The following AASS variants were observed in gnomAD, a reference collection of about 807,000 sequenced individuals.
The protein encoded by AASS is alpha-aminoadipic semialdehyde synthase, mitochondrial.
Under a neutral mutation model 105.4 loss-of-function variants are expected in AASS, and 86 were observed. The observed-to-expected ratio is 0.82, with a 90% confidence interval of 0.69 to 0.98. The LOEUF (loss-of-function observed/expected upper bound fraction) is 0.98. Among genes scored for constraint, AASS ranks in the 50% least tolerant of loss-of-function variants. The pLI is 0.00. For missense variants in AASS, 1,048 were observed against 1,143.2 expected (o/e 0.92, Z 1.20); for synonymous variants, 381 against 394.8 (o/e 0.96, Z 0.41).
intron 15 of AASS, among the ~76,000 whole-genome samples, chr7:122,096,061 G>A (rs1794140475): frequency 6.6e-6 from 1 of 151,882 alleles, no homozygotes; most frequent in African/African-American, 2.4e-5. Context: ...GCACTCAATG[G>A]GACATACTCT....
At chr7:122,106,566 C>G (rs528848518) in intron 11 of AASS, among the ~76,000 whole-genome samples, 1 of 152,002 alleles carries the variant, frequency 6.6e-6, no homozygotes, top group Admixed American at 6.6e-5. Context: ...ACACAAAGAC[C>G]AATAAAACAG....
Position 122,075,899 on chromosome 7 carries a change from A to T in AASS, c.*590T>A, listed in dbSNP as rs1392796275. ...ATATAAAAATATAGCTTTATGACGA[A>T]ATTTTTTCTGACTAAAAAAGTAAAA... On this transcript the variant is annotated 3_prime_UTR_variant, in exon 24 of 24. Transcript: ENST00000417368. 6.6e-6 allele frequency: 1 copy of T among 152,312 alleles called. No homozygotes were observed. The highest frequency in any genetic ancestry group is 1.9e-4 in the East Asian group (1 of 5,202). The allele number at this position is 152,312 out of a possible 1,614,324, so 9.4% of individuals were successfully genotyped here. A position where few individuals can be genotyped will look rare whatever the true frequency, so the allele number is the denominator to read the frequency against.
intron 4 of AASS, among the ~76,000 whole-genome samples, chr7:122,121,397 AT>A (rs1301807362): frequency 2.0e-5 from 3 of 152,040 alleles, no homozygotes; most frequent in South Asian, 2.1e-4. Flanking sequence ...CTTTTAAAGA[AT>A]TTTTTTGTTT....
Position 122,081,521 on chromosome 7 carries a change from A to G in AASS, c.2259T>C (p.Pro753=), listed in dbSNP as rs139475283. The G allele has an allele frequency of 1.6e-5, 26 of 1,613,816 alleles. No homozygotes were observed. Among genetic ancestry groups the G allele is most frequent in the Admixed American group, 3.3e-5 (2 of 60,020 alleles). The change falls in exon 20 of 24, where the codon CCT becomes CCC. Residue 753 remains proline, a synonymous_variant. Coordinates refer to ENST00000417368, the MANE Select transcript of AASS (RefSeq NM_005763.4). The part of the protein sequence containing the change: ...INREALPAFR[P]EANPLTWKQL... ...TCACCCAGGTGAGAGGGTTGGCCTC[A>G]GGTCTAAAGGCAGGAAGCGCTTCTC...
chr7:122,114,641 C>T (rs4140745), intron 9 of AASS, among the ~76,000 whole-genome samples: 45,478 of 151,920 alleles, frequency 0.3, 7,110 homozygotes, highest in East Asian at 0.43. Context: ...AACAGAGTAA[C>T]AGACTAGAGA....
Position 122,079,623 on chromosome 7 carries a change from G to T in AASS, c.2370C>A (p.Asp790Glu), listed in dbSNP as rs140637835. Reference sequence around the variant, plus strand: ...ATTCAGCAGCCTCCAACTGGGTATTGTCTCCTCCTAGTTTCTTAAGAACAG... The same window carrying T: ...ATTCAGCAGCCTCCAACTGGGTATTTTCTCCTCCTAGTTTCTTAAGAACAG... Reference protein sequence around the residue: ...KEAVLKKLGGDNTQLEAAEWL... With the variant: ...KEAVLKKLGGENTQLEAAEWL... The change falls in exon 21 of 24, where the codon GAC becomes GAA. Residue 790 changes from aspartate (D) to glutamate (E), a missense_variant. Asp to Glu is a conservative substitution (Grantham distance 45). Transcript: ENST00000417368. 6 of 1,613,840 alleles carry T rather than the reference G, an allele frequency of 3.7e-6. No individual in the cohort carries two copies. The South Asian group carries it at 4.4e-5, about 12-fold the overall frequency.
chr7:122,116,910 G>C lies in AASS; in HGVS notation c.735C>G (p.Pro245=), dbSNP rs1270710695. 2 of 1,613,710 alleles carry C rather than the reference G, an allele frequency of 1.2e-6. No homozygotes were observed. The highest frequency in any genetic ancestry group is 2.7e-5 in the African/African-American group (2 of 74,854). ...FNELPCEYVE[P]HELKEVSQTG... Reference sequence around the variant, plus strand: ...TTTGGGAAACTTCTTTTAATTCATGGGGCTCCACATATTCACAAGGTAGCT... The same window carrying C: ...TTTGGGAAACTTCTTTTAATTCATGCGGCTCCACATATTCACAAGGTAGCT... Residue 245 remains proline, a synonymous_variant, in exon 7 of 24, where the codon CCC becomes CCG. Transcript: ENST00000417368.
intron 13 of AASS, among the ~76,000 whole-genome samples, chr7:122,100,709 A>G (rs1429648877): frequency 6.6e-6 from 1 of 151,882 alleles, no homozygotes. Context: ...GCTGGAGGAG[A>G]CCAGAATATT....
At chr7:122,080,453 C>T (rs754835968) in intron 20 of AASS, among the ~76,000 whole-genome samples, 17 of 152,066 alleles carry the variant, frequency 1.1e-4, no homozygotes, top group Admixed American at 4.6e-4. Flanking sequence ...CAAAAAAGAC[C>T]ATCCCTAAGA....
rs1334262757 is a variant in AASS, at chr7:122,092,918, T to C, written c.1800A>G (p.Glu600=). The change falls in exon 17 of 24, where the codon GAA becomes GAG. Residue 600 remains glutamate, a synonymous_variant. Transcript: ENST00000417368. ...VEDAGITIIG[E]LGLDPGLDHM... is the part of the protein sequence containing the mutation. Reference sequence around the variant, plus strand: ...GATCCAGACCAGGGTCCAATCCCAATTCACCAATGATTGTGATGCCAGCAT... The same window carrying C: ...GATCCAGACCAGGGTCCAATCCCAACTCACCAATGATTGTGATGCCAGCAT... The C allele has an allele frequency of 2.5e-6, 4 of 1,613,784 alleles. No homozygotes were observed. Among genetic ancestry groups the C allele is most frequent in the African/African-American group, 2.7e-5 (2 of 74,888 alleles).
chr7:122,076,552 T>G lies in AASS; in HGVS notation c.2718A>C (p.Pro906=). The change falls in exon 24 of 24, where the codon CCA becomes CCC. Residue 906 remains proline (P), a synonymous_variant. Transcript: ENST00000417368. The part of the protein sequence containing the change: ...MGPFSKEIYG[P]ILERIKAEGI... ...CTTCTGCTTTAATTCGCTCCAATAT[T>G]GGTCCATAGATCTCCTTTGAAAAGG... The G allele has an allele frequency of 6.2e-7, 1 of 1,613,964 alleles. No homozygotes were observed. The highest frequency in any genetic ancestry group is 8.5e-7 in the Non-Finnish European group (1 of 1,179,848).
At chr7:122,089,510 C>T (rs1211695192) in intron 18 of AASS, among the ~76,000 whole-genome samples, 2 of 152,144 alleles carry the variant, frequency 1.3e-5, no homozygotes, top group Non-Finnish European at 2.9e-5. Context: ...ACTTCGAATT[C>T]AACAAATACA....
chr7:122,079,078 G>C, intron 21 of AASS, 128 bp from the exon 22 acceptor site: 2 of 1,572,080 alleles, frequency 1.3e-6, no homozygotes, highest in Non-Finnish European at 1.7e-6. Flanking sequence ...CAAGTTGTAG[G>C]ATTCTCCTAA....
intron 2 of AASS, among the ~76,000 whole-genome samples, chr7:122,130,622 C>T (rs754887572): frequency 3.0e-4 from 46 of 151,976 alleles, no homozygotes; most frequent in Non-Finnish European, 4.9e-4. Context: ...AAGCAACAGA[C>T]AGACATATCT....
chr7:122,113,449 G>T, intron 10 of AASS, 149 bp downstream of exon 10: 3 of 1,024,220 alleles, frequency 2.9e-6, no homozygotes, highest in East Asian at 2.6e-5. Context: ...GTTCAAATGT[G>T]CATGTTTTTT....
chr7:122,110,315 A>G lies in AASS; in HGVS notation c.1278+2803T>C, dbSNP rs146162487. Among the ~76,000 whole-genome samples the G allele has an allele frequency of 5.0e-3, 762 of 152,042 alleles. 9 individuals carry two copies. The highest frequency in any genetic ancestry group is 0.017 in the African/African-American group (723 of 41,548). ...AAGAGAAATCACTACAGAATCTATT[A>G]AAGAGTTAATAAGGTTATTACTAAA... On this transcript the variant is annotated intron_variant, in intron 11 of 23. Coordinates refer to ENST00000417368, the MANE Select transcript of AASS (RefSeq NM_005763.4).
chr7:122,081,731 C>T lies in AASS; in HGVS notation c.2185-136G>A, dbSNP rs751633998. 31 of 660,102 alleles carry T rather than the reference C, an allele frequency of 4.7e-5. No individual in the cohort carries two copies. The Admixed American group carries it at 7.3e-4, about 16-fold the overall frequency. The allele number at this position is 660,102 out of a possible 1,614,324, so 40.9% of individuals were successfully genotyped here. ...TATATTGATGATATGAGTACTACAG[C>T]TCTTCTAGAATTTGCCTAGCAGGTT... On this transcript the variant is annotated intron_variant, in intron 19 of 23. Coordinates refer to ENST00000417368, the MANE Select transcript of AASS (RefSeq NM_005763.4).
intron 9 of AASS, 40 bp downstream of exon 9, chr7:122,115,034 C>A (rs1795101716): frequency 1.2e-6 from 2 of 1,613,792 alleles, no homozygotes; most frequent in Non-Finnish European, 8.5e-7. Flanking sequence ...ATGGAAGCAG[C>A]TGGTCAAAAC....
In AASS at chr7:122,079,622, T is replaced by C; in HGVS notation, c.2371A>G (p.Asn791Asp). Residue 791 changes from asparagine to aspartate, a missense_variant, in exon 21 of 24, where the codon AAT (asparagine) becomes GAT (aspartate). Asn to Asp is a conservative substitution (Grantham distance 23, BLOSUM62 1). Transcript: ENST00000417368. Reference protein sequence around the residue: ...EAVLKKLGGDNTQLEAAEWLG... With the variant: ...EAVLKKLGGDDTQLEAAEWLG... The stretch of plus-strand genomic sequence containing the variant: ...CATTCAGCAGCCTCCAACTGGGTAT[T>C]GTCTCCTCCTAGTTTCTTAAGAACA... 6.2e-7 allele frequency: 1 copy of C among 1,613,890 alleles called. No homozygotes were observed. The highest frequency in any genetic ancestry group is 1.1e-5 in the South Asian group (1 of 91,070).
Sources: allele counts gnomAD v4.1 joint callset (sites outside exome capture counted in the v4.1 genomes callset), GRCh38; gene constraint gnomAD v4.1.1; transcripts MANE v1.5; gene names NCBI Gene and HGNC (gene_info 2026-07-23, HGNC 2026-07-21).